HIGD1A: variants seen among roughly 807,000 people sequenced by gnomAD.
The protein encoded by HIGD1A is HIG1 domain family member 1A, mitochondrial.
Under a neutral mutation model 11.3 loss-of-function variants are expected in HIGD1A, and 8 were observed. The ratio of observed to expected loss-of-function variants is 0.71; its 90% CI spans 0.42 to 1.28. The LOEUF (loss-of-function observed/expected upper bound fraction) is 1.28, where lower values mean the gene tolerates loss of function less well. Ranked by LOEUF, HIGD1A falls within the 50% of genes most tolerant of loss-of-function variation. The pLI is 0.01. For synonymous variants in HIGD1A, 32 were observed against 38.4 expected, an observed-to-expected ratio of 0.83 and a Z score of 0.62; for missense variants, 107 against 118.8, an observed-to-expected ratio of 0.90 and a Z score of 0.46.
In HIGD1A at chr3:42,783,944, T is replaced by C. The variant is rs1172187395; in HGVS notation, c.*1327A>G. Among the ~76,000 whole-genome samples the C allele has an allele frequency of 6.6e-6, 1 of 151,736 alleles. No homozygotes were observed. The highest frequency in any genetic ancestry group is 1.5e-5 in the Non-Finnish European group (1 of 67,900). On this transcript the variant is annotated 3_prime_UTR_variant, in exon 4 of 4. Coordinates refer to ENST00000321331, the MANE Select transcript of HIGD1A (RefSeq NM_014056.4). ...TACAAAAATTAGCCAGGCATGTTGG[T>C]GCATGCCTGTAATCACAGCTACTCA...
chr3:42,790,460 G>A (rs1172051852), intron 2 of HIGD1A, among the ~76,000 whole-genome samples: 7 of 152,220 alleles, frequency 4.6e-5, no homozygotes, highest in African/African-American at 1.7e-4. Flanking sequence ...TTGAACCCGG[G>A]AGGCGGAGGT....
chr3:42,795,058 G>A (rs945457582), intron 1 of HIGD1A, among the ~76,000 whole-genome samples: 3 of 151,520 alleles, frequency 2.0e-5, no homozygotes, highest in East Asian at 1.9e-4. Context: ...GCACGATCTC[G>A]GCTCACTGCA....
chr3:42,786,573 TAC>T (rs1364400627), intron 2 of HIGD1A, among the ~76,000 whole-genome samples: 9 of 152,146 alleles, frequency 5.9e-5, no homozygotes, highest in Admixed American at 1.3e-4. Flanking sequence ...TCCTACACAC[TAC>T]TACCACTGAG....
chr3:42,794,367 A>G, intron 1 of HIGD1A, 92 bp from the exon 2 acceptor site: 1 of 1,187,064 alleles, frequency 8.4e-7, no homozygotes, highest in Non-Finnish European at 1.1e-6. Flanking sequence ...AACTTCCATG[A>G]GAATCTTAGT....
At chr3:42,803,620 G>T (rs1444475172) in intron 1 of HIGD1A, among the ~76,000 whole-genome samples, 1 of 152,192 alleles carries the variant, frequency 6.6e-6, no homozygotes, top group African/African-American at 2.4e-5. Context: ...TTACTCCAAA[G>T]TGCCTTTGTA....
rs1397251274 is a variant in HIGD1A at position 42,783,013 on chromosome 3, G to A, written c.*2258C>T. Among the ~76,000 whole-genome samples the A allele has an allele frequency of 6.6e-6, 1 of 152,168 alleles. No individual in the cohort carries two copies. Among genetic ancestry groups the A allele is most frequent in the African/African-American group, 2.4e-5 (1 of 41,444 alleles). Reference sequence around the variant, plus strand: ...GTAAAGGCTACAGATAAACATATTTGACATGGCAAAAATTTAGGGAAATTG... The same window carrying A: ...GTAAAGGCTACAGATAAACATATTTAACATGGCAAAAATTTAGGGAAATTG... On this transcript the variant is annotated 3_prime_UTR_variant, in exon 4 of 4. Coordinates refer to ENST00000321331, the MANE Select transcript of HIGD1A (RefSeq NM_014056.4).
chr3:42,800,036 G>C (rs1437763137), intron 1 of HIGD1A, among the ~76,000 whole-genome samples: 1 of 152,076 alleles, frequency 6.6e-6, no homozygotes, highest in African/African-American at 2.4e-5. Flanking sequence ...ATCTAATCAT[G>C]AACTTCTCGG....
chr3:42,795,052 G>A (rs571047314), intron 1 of HIGD1A, among the ~76,000 whole-genome samples: 4 of 151,160 alleles, frequency 2.6e-5, no homozygotes, highest in South Asian at 2.1e-4. Flanking sequence ...GCAGTGGCAC[G>A]ATCTCGGCTC....
chr3:42,795,460 G>A (rs1229668964), intron 1 of HIGD1A, among the ~76,000 whole-genome samples: 3 of 152,036 alleles, frequency 2.0e-5, no homozygotes, highest in Admixed American at 6.6e-5. Context: ...GACCTCAGGT[G>A]ATCCACCTGC....
At chr3:42,786,736 G>A (rs1342570291) in intron 2 of HIGD1A, among the ~76,000 whole-genome samples, 1 of 152,342 alleles carries the variant, frequency 6.6e-6, no homozygotes, top group African/African-American at 2.4e-5. Context: ...GAGGGCAAAA[G>A]CATTCAGGAC....
In HIGD1A at chr3:42,804,483, A is replaced by T. The variant is rs2125597568; in HGVS notation, c.-70T>A. 2.2e-6 allele frequency: 1 copy of T among 454,056 alleles called. No individual in the cohort carries two copies. Among genetic ancestry groups the T allele is most frequent in the South Asian group, 4.0e-5 (1 of 24,998 alleles). 28.1% of individuals were successfully genotyped at this position (454,056 alleles called of 1,614,324 possible). On this transcript the variant is annotated 5_prime_UTR_variant, in exon 1 of 4. Coordinates refer to ENST00000321331, the MANE Select transcript of HIGD1A (RefSeq NM_014056.4). ...ACCCCAACCGGCTTCCGATCCCTGC[A>T]GGCGCACCCAGTCCTCCCGGCTTCT...
intron 2 of HIGD1A, among the ~76,000 whole-genome samples, chr3:42,792,095 C>CA (rs1700427498): frequency 6.6e-6 from 1 of 152,128 alleles, no homozygotes; most frequent in Non-Finnish European, 1.5e-5. Context: ...AAAACACTGA[C>CA]AGACTGTGCA....
At chr3:42,788,564 T>A (rs1443103504) in intron 2 of HIGD1A, among the ~76,000 whole-genome samples, 3 of 152,166 alleles carry the variant, frequency 2.0e-5, no homozygotes, top group Non-Finnish European at 4.4e-5. Context: ...AGAAAACAAA[T>A]CCCTGATACC....
intron 2 of HIGD1A, among the ~76,000 whole-genome samples, chr3:42,791,987 T>G (rs1441639118): frequency 2.0e-5 from 3 of 152,206 alleles, no homozygotes; most frequent in African/African-American, 4.8e-5. Flanking sequence ...TAAATGTTCC[T>G]ATATGCATTG....
chr3:42,792,908 A>G (rs1396496826), intron 2 of HIGD1A, among the ~76,000 whole-genome samples: 3 of 148,022 alleles, frequency 2.0e-5, no homozygotes, highest in African/African-American at 5.0e-5. Context: ...CTTGAACCCA[A>G]GAGGTGGAGG....
At chr3:42,786,652 TAG>T (rs1700355354) in intron 2 of HIGD1A, among the ~76,000 whole-genome samples, 1 of 152,188 alleles carries the variant, frequency 6.6e-6, no homozygotes, top group Non-Finnish European at 1.5e-5. Flanking sequence ...AGGAAAAGAA[TAG>T]AGCAATATTA....
chr3:42,785,053 C>T lies in HIGD1A; in HGVS notation c.*218G>A, dbSNP rs1700332972. On this transcript the variant is annotated 3_prime_UTR_variant, in exon 4 of 4. Transcript: ENST00000321331. ...CATTTAGGTGACATGTTTAAGTTAA[C>T]TTGACTTCCTTGAATGACCTAGTTA... The T allele has an allele frequency of 8.8e-6, 4 of 455,832 alleles. No homozygotes were observed. The highest frequency in any genetic ancestry group is 1.6e-5 in the Non-Finnish European group (4 of 250,192). The allele number at this position is 455,832 out of a possible 1,614,324, so 28.2% of individuals were successfully genotyped here. A position where few individuals can be genotyped will look rare whatever the true frequency, so the allele number is the denominator to read the frequency against.
chr3:42,803,271 C>T (rs139642314), intron 1 of HIGD1A, among the ~76,000 whole-genome samples: 95 of 152,326 alleles, frequency 6.2e-4, no homozygotes, highest in African/African-American at 2.1e-3. Flanking sequence ...GGAAGATGAG[C>T]CGTCCAGCAT....
rs1248293833 is a variant in HIGD1A, at chr3:42,783,598, G to C, written c.*1673C>G. ...CCACTGTACTCCAGCCTCAGCAACA[G>C]AGCAAGACTCTGTCTCAAAATAAAC... On this transcript the variant is annotated 3_prime_UTR_variant, in exon 4 of 4. Transcript: ENST00000321331. Among the ~76,000 whole-genome samples, 1 of 152,086 alleles carries C rather than the reference G, an allele frequency of 6.6e-6. No individual in the cohort carries two copies. Among genetic ancestry groups the C allele is most frequent in the African/African-American group, 2.4e-5 (1 of 41,410 alleles).
Sources: allele counts gnomAD v4.1 joint callset (sites outside exome capture counted in the v4.1 genomes callset), GRCh38; gene constraint gnomAD v4.1.1; transcripts MANE v1.5; gene names NCBI Gene and HGNC (gene_info 2026-07-23, HGNC 2026-07-21).